The following SLCO2A1 variants were observed in gnomAD, a reference collection of about 807,000 sequenced individuals.
SLCO2A1 encodes the protein matrin F/G 1.
Under a neutral mutation model 71.7 loss-of-function variants are expected in SLCO2A1, and 60 were observed. That is an observed-to-expected ratio of 0.84 (90% CI 0.68 to 1.04). The LOEUF (loss-of-function observed/expected upper bound fraction) is 1.04. Among genes scored for constraint, SLCO2A1 ranks in the 50% least tolerant of loss-of-function variants. The pLI is 0.00. For synonymous variants in SLCO2A1, 308 were observed against 326.7 expected (o/e 0.94, Z 0.62); for missense variants, 745 against 813.4 (o/e 0.92, Z 1.02).
Position 133,934,435 on chromosome 3 carries a change from A to C in SLCO2A1, c.*278T>G, listed in dbSNP as rs1933214646. The C allele has an allele frequency of 6.8e-6, 2 of 294,246 alleles. No individual in the cohort carries two copies. Among genetic ancestry groups the C allele is most frequent in the Non-Finnish European group, 1.3e-5 (2 of 156,576 alleles). The allele number at this position is 294,246 out of a possible 1,614,324, so 18.2% of individuals were successfully genotyped here. A position where few individuals can be genotyped will look rare whatever the true frequency, so the allele number is the denominator to read the frequency against. ...AGTGGGCATCCTCAATGGAGGACTC[A>C]ACACTGAAGTGAGCCTGGGCATCTG... On this transcript the variant is annotated 3_prime_UTR_variant, in exon 14 of 14. Coordinates refer to ENST00000310926, the MANE Select transcript of SLCO2A1 (RefSeq NM_005630.3).
chr3:134,026,568 C>T (rs531457258), intron 1 of SLCO2A1, among the ~76,000 whole-genome samples: 4 of 152,036 alleles, frequency 2.6e-5, no homozygotes, highest in Non-Finnish European at 5.9e-5. Flanking sequence ...ATATTATAGG[C>T]CTGCTAGGCA....
chr3:133,949,399 C>G (rs1425196680), intron 6 of SLCO2A1, among the ~76,000 whole-genome samples: 1 of 152,018 alleles, frequency 6.6e-6, no homozygotes, highest in Non-Finnish European at 1.5e-5. Context: ...CCGTCCTCCC[C>G]CTTTCTATCT....
At chr3:134,029,507 C>T (rs1204416692) in intron 1 of SLCO2A1, among the ~76,000 whole-genome samples, 200 bp downstream of exon 1, 6 of 150,050 alleles carry the variant, frequency 4.0e-5, no homozygotes, top group African/African-American at 7.5e-5. Context: ...CACACACACA[C>T]GCTCACACAC....
chr3:134,029,913 C>A lies in SLCO2A1; in HGVS notation c.-111G>T, dbSNP rs1373211486. On this transcript the variant is annotated 5_prime_UTR_variant, in exon 1 of 14. Transcript: ENST00000310926. Reference sequence around the variant, plus strand: ...GGCGGCAGTGGCCGGAGGAGATTCGCGGAGCGGAGACTGAGCCAGCGAGTG... The same window carrying A: ...GGCGGCAGTGGCCGGAGGAGATTCGAGGAGCGGAGACTGAGCCAGCGAGTG... 1.6e-5 allele frequency: 8 copies of A among 496,482 alleles called. No homozygotes were observed. The highest frequency in any genetic ancestry group is 2.5e-5 in the Non-Finnish European group (8 of 320,282). 30.8% of individuals were successfully genotyped at this position (496,482 alleles called of 1,614,324 possible).
chr3:134,009,031 C>T (rs943380634), intron 1 of SLCO2A1, among the ~76,000 whole-genome samples: 4 of 152,164 alleles, frequency 2.6e-5, no homozygotes, highest in Admixed American at 2.0e-4. Context: ...CGGAGAAGAG[C>T]CACTTCCATC....
rs1443452227 is a variant in SLCO2A1 at position 133,933,402 on chromosome 3, G to T, written c.*1311C>A. The T allele has an allele frequency of 6.6e-6, 1 of 152,256 alleles. No individual in the cohort carries two copies. Among genetic ancestry groups the T allele is most frequent in the Non-Finnish European group, 1.5e-5 (1 of 68,102 alleles). The allele number at this position is 152,256 out of a possible 1,614,324, so 9.4% of individuals were successfully genotyped here. A position where few individuals can be genotyped will look rare whatever the true frequency, so the allele number is the denominator to read the frequency against. On this transcript the variant is annotated 3_prime_UTR_variant, in exon 14 of 14. Coordinates refer to ENST00000310926, the MANE Select transcript of SLCO2A1 (RefSeq NM_005630.3). ...AAGGCCCTAATGTAAATGGAGGGAG[G>T]TGAGGTAAGAGCTGAGGGAAGCTCC... is the stretch of plus-strand genomic sequence containing the variant.
At position 133,953,770 on chromosome 3, in the gene SLCO2A1, G is replaced by A; in HGVS notation, c.626-9C>T. The A allele has an allele frequency of 6.2e-7, 1 of 1,607,088 alleles. No homozygotes were observed. ...GATGGCAAATAAGATGGCTGGAAAAGGAAGTAAGGGGAAGGAGACTGAGAT... is the reference window on the plus strand; with the variant it reads ...GATGGCAAATAAGATGGCTGGAAAAAGAAGTAAGGGGAAGGAGACTGAGAT... On this transcript the variant is annotated splice_polypyrimidine_tract_variant and intron_variant, in intron 4 of 13. Coordinates refer to ENST00000310926, the MANE Select transcript of SLCO2A1 (RefSeq NM_005630.3).
intron 1 of SLCO2A1, among the ~76,000 whole-genome samples, chr3:133,999,317 C>A (rs571145506): frequency 6.6e-6 from 1 of 152,202 alleles, no homozygotes; most frequent in African/African-American, 2.4e-5. Context: ...TTACAATTCC[C>A]CTGGCCTGCC....
intron 1 of SLCO2A1, among the ~76,000 whole-genome samples, chr3:134,002,618 T>C (rs1053305919): frequency 5.9e-5 from 9 of 152,228 alleles, no homozygotes; most frequent in African/African-American, 1.7e-4. Context: ...TTAGGGTATA[T>C]TGTAATTACC....
At chr3:133,997,564 A>G (rs1272120126) in intron 1 of SLCO2A1, among the ~76,000 whole-genome samples, 2 of 152,234 alleles carry the variant, frequency 1.3e-5, no homozygotes, top group Non-Finnish European at 2.9e-5. Flanking sequence ...CTGCAAGCCA[A>G]GGAACACCAC....
At position 133,955,152 on chromosome 3, in the gene SLCO2A1, A is replaced by C. The variant is rs898490114; in HGVS notation, c.439T>G (p.Trp147Gly). The C allele has an allele frequency of 6.2e-7, 1 of 1,614,078 alleles. No individual in the cohort carries two copies. The highest frequency in any genetic ancestry group is 8.5e-7 in the Non-Finnish European group (1 of 1,179,984). Residue 147 changes from tryptophan to glycine, a missense_variant, in exon 4 of 14, where the codon TGG (tryptophan) becomes GGG (glycine). Transcript: ENST00000310926. ...CACTTACTGGGAGGCAGGTCCTGCC[A>C]ATGCTTCTGGCAGAGCTCGGCCTGC... ...RLQAELCQKH[W>G]QDLPPSKCHS...
At chr3:133,971,149 C>T (rs561051739) in intron 3 of SLCO2A1, among the ~76,000 whole-genome samples, 1 of 152,324 alleles carries the variant, frequency 6.6e-6, no homozygotes, top group African/African-American at 2.4e-5. Context: ...GGCCACAGTG[C>T]CCCAGGCTCC....
At chr3:134,019,380 T>G (rs1023883218) in intron 1 of SLCO2A1, among the ~76,000 whole-genome samples, 7 of 152,222 alleles carry the variant, frequency 4.6e-5, no homozygotes, top group African/African-American at 1.7e-4. Context: ...TGTTAGCCAC[T>G]ATTACTATTA....
chr3:133,942,675 T>C lies in SLCO2A1; in HGVS notation c.1555A>G (p.Ile519Val), dbSNP rs878969399. 6.2e-7 allele frequency: 1 copy of C among 1,613,386 alleles called. No homozygotes were observed. Among genetic ancestry groups the C allele is most frequent in the Non-Finnish European group, 8.5e-7 (1 of 1,179,818 alleles). The part of the protein sequence containing the change: ...VPCAHFLLPA[I>V]FLISFVSLIA... ...AGGGACACGAAGGAGATGAGGAAGA[T>C]GGCCGGGAGCAGGAAGTGGGCACAG... The change falls in exon 11 of 14, where the codon ATC (isoleucine) becomes GTC (valine). Residue 519 changes from isoleucine to valine, a missense_variant. Transcript: ENST00000310926.
chr3:134,021,581 A>T (rs1232109079), intron 1 of SLCO2A1, among the ~76,000 whole-genome samples: 1 of 152,078 alleles, frequency 6.6e-6, no homozygotes, highest in Non-Finnish European at 1.5e-5. Context: ...AGAGAGAGAA[A>T]GGAAAGAGAG....
At chr3:133,978,501 C>CA (rs1934511960) in intron 2 of SLCO2A1, among the ~76,000 whole-genome samples, 1 of 152,118 alleles carries the variant, frequency 6.6e-6, no homozygotes, top group African/African-American at 2.4e-5. Flanking sequence ...AGCCTTATTC[C>CA]AGCAGGAGAA....
chr3:133,947,509 C>T, intron 8 of SLCO2A1, 64 bp from the exon 9 acceptor site: 1 of 1,383,280 alleles, frequency 7.2e-7, no homozygotes, highest in Non-Finnish European at 9.9e-7. Flanking sequence ...GGGCTACAAA[C>T]ACTGAGCTGG....
intron 3 of SLCO2A1, among the ~76,000 whole-genome samples, chr3:133,960,508 A>G (rs1934011261): frequency 6.6e-6 from 1 of 152,206 alleles, no homozygotes; most frequent in African/African-American, 2.4e-5. Flanking sequence ...AGTCAAATTC[A>G]CAGAAACAGA....
intron 1 of SLCO2A1, among the ~76,000 whole-genome samples, chr3:134,011,983 C>T (rs1339250366): frequency 6.6e-6 from 1 of 152,128 alleles, no homozygotes; most frequent in Non-Finnish European, 1.5e-5. Flanking sequence ...GTGCAGGGGG[C>T]ATCATGGGAG....
Sources: gnomAD v4.1 joint callset for allele counts (sites outside exome capture counted in the v4.1 genomes callset) on GRCh38, gnomAD v4.1.1 for gene constraint, MANE v1.5 for transcripts, NCBI Gene and HGNC (gene_info 2026-07-23, HGNC 2026-07-21) for gene names.